The following DNAH5 variants were observed in gnomAD, a reference collection of about 807,000 sequenced individuals.
DNAH5 encodes dynein axonemal heavy chain 5.
Under a neutral mutation model 518.2 loss-of-function variants are expected in DNAH5, and 372 were observed. That is an observed-to-expected ratio of 0.72 (90% CI 0.66 to 0.78). The LOEUF (loss-of-function observed/expected upper bound fraction) is 0.78. Among genes scored for constraint, DNAH5 ranks in the 30% least tolerant of loss-of-function variants. The pLI is 0.00. For synonymous variants in DNAH5, 2,039 were observed against 2,025.9 expected, an observed-to-expected ratio of 1.01 and a Z score of -0.17; for missense variants, 5,523 against 5,687.0, an observed-to-expected ratio of 0.97 and a Z score of 0.93.
intron 47 of DNAH5, 52 bp from the exon 48 acceptor site, chr5:13,794,110 G>C (rs753172310): frequency 3.7e-5 from 59 of 1,610,804 alleles, no homozygotes; most frequent in Non-Finnish European, 4.9e-5. Context: ...CCTAAAACCT[G>C]GTCAATTATT....
At chr5:13,750,402 G>C (rs934224208) in intron 65 of DNAH5, among the ~76,000 whole-genome samples, 4 of 152,180 alleles carry the variant, frequency 2.6e-5, no homozygotes, top group Admixed American at 2.6e-4. Flanking sequence ...TCGAAAGAAG[G>C]AAGTTTACAA....
intron 22 of DNAH5, among the ~76,000 whole-genome samples, chr5:13,875,605 A>C (rs916249461): frequency 1.3e-5 from 2 of 151,624 alleles, no homozygotes; most frequent in African/African-American, 4.9e-5. Flanking sequence ...TTGCTGATTT[A>C]TTTTCTTTTA....
chr5:13,734,500 C>T (rs1030859480), intron 68 of DNAH5, among the ~76,000 whole-genome samples: 3 of 152,186 alleles, frequency 2.0e-5, no homozygotes, highest in African/African-American at 7.2e-5. Flanking sequence ...CAGAATAAAT[C>T]ATCCACAGGA....
At chr5:13,736,407 TTG>T (rs1747434499) in intron 66 of DNAH5, among the ~76,000 whole-genome samples, 1 of 150,422 alleles carries the variant, frequency 6.6e-6, no homozygotes, top group Admixed American at 6.6e-5. Context: ...TATTATTATT[TTG>T]TTGATACGGA....
chr5:13,703,021 C>G (rs974629945), intron 76 of DNAH5, among the ~76,000 whole-genome samples: 3 of 152,066 alleles, frequency 2.0e-5, no homozygotes, highest in Non-Finnish European at 4.4e-5. Context: ...AAGGGACAAG[C>G]CTCCCTCCCA....
chr5:13,692,281 C>G, intron 78 of DNAH5, 146 bp from the exon 79 acceptor site: 1 of 899,996 alleles, frequency 1.1e-6, no homozygotes, highest in Non-Finnish European at 1.8e-6. Context: ...TGAGGTCAGG[C>G]AATTCCTAGA....
At chr5:13,856,221 A>C (rs985003927) in intron 30 of DNAH5, among the ~76,000 whole-genome samples, 3 of 152,210 alleles carry the variant, frequency 2.0e-5, no homozygotes, top group African/African-American at 7.2e-5. Context: ...TGGTTTTTTG[A>C]AAAGATCAAC....
chr5:13,707,220 G>A lies in DNAH5; in HGVS notation c.13338+903C>T, dbSNP rs1742909549. Among the ~76,000 whole-genome samples, 1 of 152,266 alleles carries A rather than the reference G, an allele frequency of 6.6e-6. No homozygotes were observed. Among genetic ancestry groups the A allele is most frequent in the South Asian group, 2.1e-4 (1 of 4,822 alleles). ...TCAGAGAAGAGTCCGGTCACTGGGC[G>A]GCCCAACTCCAGGGGAAGACCACCT... On this transcript the variant is annotated intron_variant, in intron 76 of 78. Transcript: ENST00000265104. This position sits in a 1 kb window ranked among gnomAD's most constrained non-coding sequence, Gnocchi z 4.0.
chr5:13,738,798 G>C (rs1747970864), intron 65 of DNAH5, among the ~76,000 whole-genome samples: 1 of 152,096 alleles, frequency 6.6e-6, no homozygotes, highest in South Asian at 2.1e-4. Context: ...TGCTATATGA[G>C]AGACTCTATC....
intron 76 of DNAH5, among the ~76,000 whole-genome samples, chr5:13,704,680 A>T (rs1435880156): frequency 6.6e-6 from 1 of 152,186 alleles, no homozygotes; most frequent in Non-Finnish European, 1.5e-5. Flanking sequence ...TGACCTAAGC[A>T]TAGTATCCGG....
chr5:13,797,746 C>T (rs1758047254), intron 47 of DNAH5, among the ~76,000 whole-genome samples: 1 of 152,128 alleles, frequency 6.6e-6, no homozygotes, highest in Non-Finnish European at 1.5e-5. Flanking sequence ...TATAAAGACA[C>T]ATGCACACGT....
chr5:13,939,103 G>C (rs4702002), intron 1 of DNAH5, among the ~76,000 whole-genome samples: 4 of 151,892 alleles, frequency 2.6e-5, no homozygotes, highest in Admixed American at 2.6e-4. Flanking sequence ...CATTCCTACA[G>C]GAGTACCAGC....
At chr5:13,989,631 C>A (rs192609180) in intron 1 of DNAH5, among the ~76,000 whole-genome samples, 138 of 152,000 alleles carry the variant, frequency 9.1e-4, no homozygotes, top group African/African-American at 3.2e-3. Context: ...CTACAGGCGC[C>A]CGCCATCACA....
intron 53 of DNAH5, among the ~76,000 whole-genome samples, chr5:13,779,523 C>T (rs547633914): frequency 2.6e-5 from 4 of 152,292 alleles, no homozygotes; most frequent in African/African-American, 7.2e-5. Context: ...TAGAAATTAA[C>T]GTCAAATGAT....
At chr5:13,827,084 C>A (rs1261791626) in intron 38 of DNAH5, among the ~76,000 whole-genome samples, 2 of 152,074 alleles carry the variant, frequency 1.3e-5, no homozygotes, top group Non-Finnish European at 2.9e-5. Flanking sequence ...AGCATTTTGC[C>A]CCTGTCCCAG....
chr5:13,824,191 A>C lies in DNAH5; in HGVS notation c.6579+8T>G, dbSNP rs763394193. 8 of 1,613,770 alleles carry C rather than the reference A, an allele frequency of 5.0e-6. No homozygotes were observed. The highest frequency in any genetic ancestry group is 6.8e-6 in the Non-Finnish European group (8 of 1,179,886). On this transcript the variant is annotated splice_region_variant and intron_variant, in intron 39 of 78. Transcript: ENST00000265104. The stretch of plus-strand genomic sequence containing the variant: ...AGTAGGTGGAACACTTCCATCTGTG[A>C]GTCTTACCAGTTTAGAAAGATTCAT...
intron 78 of DNAH5, 122 bp downstream of exon 78, chr5:13,700,518 A>G: frequency 1.1e-6 from 1 of 951,308 alleles, no homozygotes; most frequent in East Asian, 2.5e-5. Flanking sequence ...GTGTGAATGT[A>G]AAGCTAATAG....
At chr5:13,842,828 T>G (rs893191594) in intron 32 of DNAH5, among the ~76,000 whole-genome samples, 1 of 152,156 alleles carries the variant, frequency 6.6e-6, no homozygotes, top group African/African-American at 2.4e-5. Flanking sequence ...TGTAGAAACC[T>G]TATGGCAGGA....
intron 50 of DNAH5, among the ~76,000 whole-genome samples, chr5:13,789,375 C>CA (rs1000668776): frequency 9.2e-5 from 14 of 151,602 alleles, no homozygotes; most frequent in African/African-American, 3.1e-4. Context: ...ATTATCTGAA[C>CA]AAAAAAAAGC....
Sources: gnomAD v4.1 joint callset for allele counts (sites outside exome capture counted in the v4.1 genomes callset) on GRCh38, gnomAD v4.1.1 for gene constraint, Gnocchi (gnomAD v3.1) non-coding constraint, MANE v1.5 for transcripts, NCBI Gene and HGNC (gene_info 2026-07-23, HGNC 2026-07-21) for gene names.